AGBL1: variants seen among roughly 807,000 people sequenced by gnomAD.
AGBL1 encodes AGBL carboxypeptidase 1.
Under a neutral mutation model 118.9 loss-of-function variants are expected in AGBL1, and 130 were observed. The ratio of observed to expected loss-of-function variants is 1.09; its 90% CI spans 0.95 to 1.26. The LOEUF is 1.26. AGBL1 is among the 50% of genes most tolerant of loss of function. AGBL1 has a pLI of 0.00. For missense variants in AGBL1, 1,584 were observed against 1,298.1 expected (o/e 1.22, Z -3.38); for synonymous variants, 555 against 478.9 (o/e 1.16, Z -2.08).
chr15:86,678,660 C>G (rs1039202671), intron 22 of AGBL1, among the ~76,000 whole-genome samples: 1 of 151,950 alleles, frequency 6.6e-6, no homozygotes, highest in African/African-American at 2.4e-5. Flanking sequence ...TTATGTTTAT[C>G]AATTCTTTTC....
chr15:86,593,676 A>G (rs936491254), intron 21 of AGBL1, among the ~76,000 whole-genome samples: 1 of 152,198 alleles, frequency 6.6e-6, no homozygotes, highest in African/African-American at 2.4e-5. Flanking sequence ...TTGTCAAAGT[A>G]TATACCACTG....
intron 18 of AGBL1, among the ~76,000 whole-genome samples, chr15:86,520,548 T>C (rs1417288108): frequency 6.6e-6 from 1 of 152,216 alleles, no homozygotes; most frequent in Non-Finnish European, 1.5e-5. Flanking sequence ...GCCTTCTCCA[T>C]GTAGATGTTG....
chr15:86,119,998 T>G (rs976224938), intron 1 of AGBL1, among the ~76,000 whole-genome samples: 2 of 152,208 alleles, frequency 1.3e-5, no homozygotes, highest in African/African-American at 4.8e-5. Context: ...CATTATTCAT[T>G]CATTCTCGCA....
chr15:86,697,748 G>A (rs2086287028), intron 22 of AGBL1, among the ~76,000 whole-genome samples: 1 of 151,838 alleles, frequency 6.6e-6, no homozygotes, highest in South Asian at 2.1e-4. Context: ...GATCAAGACT[G>A]CTGTTTATAT....
intron 24 of AGBL1, among the ~76,000 whole-genome samples, chr15:86,991,478 C>T (rs918424620): frequency 6.6e-6 from 1 of 151,146 alleles, no homozygotes; most frequent in Non-Finnish European, 1.5e-5. Flanking sequence ...TTTTGGTTTG[C>T]AAAATGCTTA....
At chr15:86,721,124 A>G (rs567701050) in intron 22 of AGBL1, among the ~76,000 whole-genome samples, 2 of 152,336 alleles carry the variant, frequency 1.3e-5, no homozygotes, top group African/African-American at 4.8e-5. Flanking sequence ...ATAGAAAAAG[A>G]GGGAATCCTC....
At chr15:86,178,741 G>A (rs140311275) in intron 5 of AGBL1, among the ~76,000 whole-genome samples, 1 of 152,302 alleles carries the variant, frequency 6.6e-6, no homozygotes, top group Non-Finnish European at 1.5e-5. Flanking sequence ...AATGAAGCCA[G>A]CGTTACCCTG....
At chr15:86,890,968 A>C (rs1158302978) in intron 22 of AGBL1, among the ~76,000 whole-genome samples, 2 of 152,162 alleles carry the variant, frequency 1.3e-5, no homozygotes, top group Admixed American at 1.3e-4. Flanking sequence ...ATAGCATTGA[A>C]TCTATAAATT....
intron 17 of AGBL1, among the ~76,000 whole-genome samples, chr15:86,331,465 T>A (rs1248142353): frequency 6.6e-6 from 1 of 152,078 alleles, no homozygotes; most frequent in Non-Finnish European, 1.5e-5. Context: ...ACCTGCAAGA[T>A]GCTACAATGA....
chr15:86,434,222 G>A (rs1298218707), intron 18 of AGBL1, among the ~76,000 whole-genome samples: 1 of 152,176 alleles, frequency 6.6e-6, no homozygotes, highest in Non-Finnish European at 1.5e-5. Flanking sequence ...TCCACACAGA[G>A]TTTTACGAGT....
chr15:86,641,563 A>G (rs1404428889), intron 21 of AGBL1, among the ~76,000 whole-genome samples: 1 of 152,114 alleles, frequency 6.6e-6, no homozygotes, highest in African/African-American at 2.4e-5. Flanking sequence ...TATATTTAAT[A>G]TTTAATCAAT....
chr15:87,008,914 G>T (rs958987997), intron 24 of AGBL1, among the ~76,000 whole-genome samples: 2 of 152,184 alleles, frequency 1.3e-5, no homozygotes, highest in African/African-American at 4.8e-5. Flanking sequence ...GCATTCAAGA[G>T]ATTACTTGGG....
intron 21 of AGBL1, among the ~76,000 whole-genome samples, chr15:86,609,761 T>A (rs1158826421): frequency 6.6e-6 from 1 of 152,142 alleles, no homozygotes; most frequent in Non-Finnish European, 1.5e-5. Flanking sequence ...GGGAAAAAGA[T>A]TTGTAAACGA....
rs1339456014 is a variant in AGBL1, at chr15:86,194,782, T to A, written c.489-30132T>A. Among the ~76,000 whole-genome samples the A allele has an allele frequency of 4.6e-5, 7 of 152,190 alleles. No individual in the cohort carries two copies. The South Asian group carries it at 1.4e-3, about 32-fold the overall frequency. ...ACAGGAGTGCCAGAGTCTGAAAATT[T>A]ACACTATGGTGATTTAATCATAGTC... On this transcript the variant is annotated intron_variant, in intron 5 of 22. Coordinates refer to ENST00000614907, the MANE Select transcript of AGBL1 (RefSeq NM_001386094.1).
At chr15:86,466,879 G>C (rs1296178094) in intron 18 of AGBL1, among the ~76,000 whole-genome samples, 1 of 152,186 alleles carries the variant, frequency 6.6e-6, no homozygotes, top group African/African-American at 2.4e-5. Flanking sequence ...CTTCATCCCA[G>C]AGGGGCACCC....
intron 23 of AGBL1, among the ~76,000 whole-genome samples, chr15:86,970,833 T>A (rs1208188152): frequency 6.6e-6 from 1 of 151,962 alleles, no homozygotes; most frequent in Non-Finnish European, 1.5e-5. Flanking sequence ...GGGTCCTCCA[T>A]CTACAGATTC....
intron 23 of AGBL1, among the ~76,000 whole-genome samples, chr15:86,972,103 A>G (rs2081114474): frequency 6.6e-6 from 1 of 152,052 alleles, no homozygotes; most frequent in Non-Finnish European, 1.5e-5. Context: ...TAGCAATACA[A>G]AAACGAACTA....
At chr15:86,542,226 T>C (rs923443684) in intron 19 of AGBL1, among the ~76,000 whole-genome samples, 2 of 152,170 alleles carry the variant, frequency 1.3e-5, no homozygotes, top group African/African-American at 4.8e-5. Flanking sequence ...GAGTTTATCC[T>C]GTTTATGAGA....
intron 22 of AGBL1, among the ~76,000 whole-genome samples, chr15:86,764,690 A>T (rs1475866153): frequency 6.6e-6 from 1 of 152,038 alleles, no homozygotes; most frequent in Non-Finnish European, 1.5e-5. Context: ...TTCCCTTTCT[A>T]ATGTAAATTT....
Sources: allele counts gnomAD v4.1 joint callset (sites outside exome capture counted in the v4.1 genomes callset), GRCh38; gene constraint gnomAD v4.1.1; transcripts MANE v1.5; gene names NCBI Gene and HGNC (gene_info 2026-07-23, HGNC 2026-07-21).